Variants in FNTB observed in about 807,000 individuals in gnomAD.
FNTB encodes the protein protein farnesyltransferase subunit beta.
In FNTB, 27 loss-of-function variants were observed where a neutral mutation model predicts 59.4. The ratio of observed to expected loss-of-function variants is 0.45; its 90% confidence interval spans 0.34 to 0.63. The LOEUF (loss-of-function observed/expected upper bound fraction) is 0.63, where lower values mean the gene tolerates loss of function less well. FNTB is among the 20% of genes least tolerant of loss of function. The pLI, the probability that FNTB is intolerant of heterozygous loss-of-function variation, is 0.02. For synonymous variants in FNTB, 230 were observed against 220.7 expected, an observed-to-expected ratio of 1.04 and a Z score of -0.37; for missense variants, 449 against 559.6, an observed-to-expected ratio of 0.80 and a Z score of 1.99.
At chr14:65,051,857 T>A (rs368847753) in intron 9 of FNTB, among the ~76,000 whole-genome samples, 134 of 151,226 alleles carry the variant, frequency 8.9e-4, no homozygotes, top group African/African-American at 3.1e-3. Context: ...TGCAGTGGTG[T>A]GATCTCAGCT....
chr14:64,986,925 C>G lies in FNTB; in HGVS notation c.-29C>G, dbSNP rs1032420395. 2.5e-6 allele frequency: 4 copies of G among 1,613,476 alleles called. No individual in the cohort carries two copies. Among genetic ancestry groups the G allele is most frequent in the Admixed American group, 1.7e-5 (1 of 60,026 alleles). On this transcript the variant is annotated 5_prime_UTR_variant, in exon 1 of 12. Coordinates refer to ENST00000246166, the MANE Select transcript of FNTB (RefSeq NM_002028.4). ...GCGTTGTTGCTTAACGAAGCAGAGT[C>G]CTACACACTGTCTGCTGCTCTCCTG...
rs1566562922 is a variant in FNTB, at chr14:65,037,751, TATTTA to T, written c.693-3038_693-3034del. 8.4e-3 allele frequency among the ~76,000 whole-genome samples: 897 copies of T among 106,838 alleles called. 13 individuals carry two copies. Among genetic ancestry groups the T allele is most frequent in the African/African-American group, 0.025 (666 of 26,670 alleles). The allele number at this position is 106,838 out of a possible 152,430, so 70.1% of individuals were successfully genotyped here. A position where few individuals can be genotyped will look rare whatever the true frequency, so the allele number is the denominator to read the frequency against. ...CTTATTTATTTATTTATTATTTATTTATTTATTTATTTATTTATTTATTTATTTAT... is the reference window on the plus strand; with the variant it reads ...CTTATTTATTTATTTATTATTTATTTTTTATTTATTTATTTATTTATTTAT... On this transcript the variant is annotated intron_variant, in intron 7 of 11. Transcript: ENST00000246166.
intron 8 of FNTB, among the ~76,000 whole-genome samples, chr14:65,042,121 A>G (rs1391587368): frequency 1.3e-5 from 2 of 152,128 alleles, no homozygotes; most frequent in African/African-American, 4.8e-5. Flanking sequence ...CCTCTAACCC[A>G]CAGTAATAAT....
In FNTB at chr14:65,031,192, G is replaced by A. The variant is rs1161025369; in HGVS notation, c.606-1418G>A. 6.6e-6 allele frequency among the ~76,000 whole-genome samples: 1 copy of A among 152,158 alleles called. No individual in the cohort carries two copies. The highest frequency in any genetic ancestry group is 2.4e-5 in the African/African-American group (1 of 41,440). On this transcript the variant is annotated intron_variant, in intron 6 of 11. Transcript: ENST00000246166. This position sits in a 1 kb window ranked among gnomAD's most constrained non-coding sequence, Gnocchi z 4.6. Reference sequence around the variant, plus strand: ...ATTTGAAAAAACCATAGAGGGGAAGGAAAGGCAGTCTGTGTGTGTATACCA... The same window carrying A: ...ATTTGAAAAAACCATAGAGGGGAAGAAAAGGCAGTCTGTGTGTGTATACCA...
chr14:64,999,787 T>C lies in FNTB; in HGVS notation c.145-4462T>C, dbSNP rs1263979345. Among the ~76,000 whole-genome samples the C allele has an allele frequency of 2.0e-5, 3 of 152,218 alleles. No individual in the cohort carries two copies. The South Asian group carries it at 6.2e-4, about 32-fold the overall frequency. ...CTGACCTGTAATACACAGATAGTCA[T>C]CAGAATTCATAACTTGACTTTTCAG... On this transcript the variant is annotated intron_variant, in intron 1 of 11. Transcript: ENST00000246166.
chr14:65,012,637 T>G lies in FNTB; in HGVS notation c.282+248T>G, dbSNP rs1469805902. ...GGGGCTTTCTTCTGTTACTAGATGA[T>G]GACTAAGGGGTTCACGTGCTTTATC... On this transcript the variant is annotated intron_variant, in intron 3 of 11. Coordinates refer to ENST00000246166, the MANE Select transcript of FNTB (RefSeq NM_002028.4). The surrounding 1 kb of genome is among the most constrained non-coding windows in gnomAD (Gnocchi z 5.0). Among the ~76,000 whole-genome samples, 1 of 152,200 alleles carries G rather than the reference T, an allele frequency of 6.6e-6. No homozygotes were observed. Among genetic ancestry groups the G allele is most frequent in the Non-Finnish European group, 1.5e-5 (1 of 68,032 alleles).
At chr14:65,053,161 A>G in intron 9 of FNTB, 77 bp from the exon 10 acceptor site, 2 of 1,140,522 alleles carry the variant, frequency 1.8e-6, no homozygotes, top group South Asian at 6.9e-5. Flanking sequence ...CTATTCCCCC[A>G]GGTGAGAAAG....
Position 65,054,150 on chromosome 14 carries a change from T to TC in FNTB, c.1068-424dup, listed in dbSNP as rs2062676050. 6.6e-6 allele frequency among the ~76,000 whole-genome samples: 1 copy of TC among 152,104 alleles called. No homozygotes were observed. The highest frequency in any genetic ancestry group is 1.5e-5 in the Non-Finnish European group (1 of 68,026). On this transcript the variant is annotated intron_variant, in intron 10 of 11. Transcript: ENST00000246166. The surrounding 1 kb of genome is among the most constrained non-coding windows in gnomAD (Gnocchi z 4.4). ...TTTTTTGAGACAGGGTCTCACTCTGTCACCCAGGCTGGAGTGCAGTGTCAC... is the reference window on the plus strand; with the variant it reads ...TTTTTTGAGACAGGGTCTCACTCTGTCCACCCAGGCTGGAGTGCAGTGTCAC...
At chr14:64,988,589 C>T (rs748420015) in intron 1 of FNTB, among the ~76,000 whole-genome samples, 1 of 151,972 alleles carries the variant, frequency 6.6e-6, no homozygotes, top group Non-Finnish European at 1.5e-5. Context: ...CGCCCACCAC[C>T]ACGCCTGGCT....
At chr14:65,035,952 C>G (rs1211524046) in intron 7 of FNTB, among the ~76,000 whole-genome samples, 1 of 150,964 alleles carries the variant, frequency 6.6e-6, no homozygotes, top group Non-Finnish European at 1.5e-5. Flanking sequence ...CCACCTCAGC[C>G]TCCTGAGTAG....
At chr14:64,988,084 A>G (rs1888023701) in intron 1 of FNTB, among the ~76,000 whole-genome samples, 1 of 152,244 alleles carries the variant, frequency 6.6e-6, no homozygotes, top group Non-Finnish European at 1.5e-5. Flanking sequence ...TGGCAAAATT[A>G]GTAACAATAA....
Position 65,037,467 on chromosome 14 carries a change from A to G in FNTB, c.693-3323A>G, listed in dbSNP as rs1217015019. On this transcript the variant is annotated intron_variant, in intron 7 of 11. Coordinates refer to ENST00000246166, the MANE Select transcript of FNTB (RefSeq NM_002028.4). ...TTTTTGAGACGTCTCTTTTTGTTTT[A>G]TGTGTCTCCCAGATTGGAGTGCAGT... 5.4e-5 allele frequency among the ~76,000 whole-genome samples: 3 copies of G among 55,402 alleles called. No homozygotes were observed. The South Asian group carries it at 2.0e-3, about 38-fold the overall frequency. The allele number at this position is 55,402 out of a possible 152,430, so 36.3% of individuals were successfully genotyped here.
chr14:65,054,465 G>A lies in FNTB; in HGVS notation c.1068-110G>A. 1 of 1,112,846 alleles carries A rather than the reference G, an allele frequency of 9.0e-7. No individual in the cohort carries two copies. The highest frequency in any genetic ancestry group is 2.6e-5 in the East Asian group (1 of 38,510). The allele number at this position is 1,112,846 out of a possible 1,614,324, so 68.9% of individuals were successfully genotyped here. On this transcript the variant is annotated intron_variant, in intron 10 of 11. Transcript: ENST00000246166. The surrounding 1 kb of genome is among the most constrained non-coding windows in gnomAD (Gnocchi z 4.4). ...ACCATGCCTCCTCTAGCCACATGGA[G>A]GATGGGGGGGGACGTGTGATTGCAC... is the stretch of plus-strand genomic sequence containing the variant.
Position 65,015,733 on chromosome 14 carries a change from G to A in FNTB, c.374+17G>A, listed in dbSNP as rs751643733. The A allele has an allele frequency of 3.7e-6, 6 of 1,610,536 alleles. No individual in the cohort carries two copies. In the South Asian group the frequency reaches 4.4e-5, roughly 12 times the overall value. On this transcript the variant is annotated intron_variant, in intron 4 of 11. Coordinates refer to ENST00000246166, the MANE Select transcript of FNTB (RefSeq NM_002028.4). ...GGCTACAGAGTGAGTCTGTCTTTGG[G>A]AAATCTGGGGTGTTCTCTGAAATTG...
intron 11 of FNTB, among the ~76,000 whole-genome samples, chr14:65,058,157 CTTCTT>C (rs1199198433): frequency 1.3e-5 from 2 of 151,372 alleles, no homozygotes; most frequent in Non-Finnish European, 2.9e-5. Flanking sequence ...AGAGAACTGA[CTTCTT>C]TTCAATATTT....
At position 65,031,304 on chromosome 14, in the gene FNTB, T is replaced by C. The variant is rs1241045120; in HGVS notation, c.606-1306T>C. Reference sequence around the variant, plus strand: ...ACAGCAAGAATGATCCTAAATCAAGTATAATAATTTTTTGTGTTTGTTTTT... The same window carrying C: ...ACAGCAAGAATGATCCTAAATCAAGCATAATAATTTTTTGTGTTTGTTTTT... On this transcript the variant is annotated intron_variant, in intron 6 of 11. Transcript: ENST00000246166. This position sits in a 1 kb window ranked among gnomAD's most constrained non-coding sequence, Gnocchi z 4.6. Among the ~76,000 whole-genome samples the C allele has an allele frequency of 6.6e-6, 1 of 151,674 alleles. No individual in the cohort carries two copies. The highest frequency in any genetic ancestry group is 2.4e-5 in the African/African-American group (1 of 41,306).
intron 2 of FNTB, chr14:65,006,436 G>A (rs753008787): frequency 1.4e-4 from 175 of 1,292,334 alleles, no homozygotes; most frequent in Non-Finnish European, 1.6e-4. Context: ...AGCAAATGAC[G>A]CCATTTATTT....
chr14:65,041,794 T>C (rs1479095317), intron 8 of FNTB, among the ~76,000 whole-genome samples: 1 of 152,188 alleles, frequency 6.6e-6, no homozygotes, highest in African/African-American at 2.4e-5. Flanking sequence ...CAACTTTGTA[T>C]GCTGAACTTA....
chr14:65,048,997 G>A (rs537592161), intron 9 of FNTB, among the ~76,000 whole-genome samples: 3 of 151,912 alleles, frequency 2.0e-5, no homozygotes, highest in Admixed American at 6.6e-5. Context: ...ATGGTGCCAC[G>A]TTGCCTGTAA....
Sources: gnomAD v4.1 joint callset for allele counts (sites outside exome capture counted in the v4.1 genomes callset) on GRCh38, gnomAD v4.1.1 for gene constraint, Gnocchi (gnomAD v3.1) non-coding constraint, MANE v1.5 for transcripts, NCBI Gene and HGNC (gene_info 2026-07-23, HGNC 2026-07-21) for gene names.